Variants in VPS13B observed in about 807,000 individuals in gnomAD.
VPS13B encodes the protein vacuolar protein sorting 13 homolog B.
Under a neutral mutation model 426.4 loss-of-function variants are expected in VPS13B, and 285 were observed. That is an observed-to-expected ratio of 0.67 (90% confidence interval 0.61 to 0.74). VPS13B has a LOEUF of 0.74. VPS13B is among the 30% of genes least tolerant of loss of function. The pLI is 0.00. For synonymous variants in VPS13B, 1,676 were observed against 1,676.4 expected (o/e 1.00, Z 0.01); for missense variants, 4,537 against 4,782.6 (o/e 0.95, Z 1.51).
At chr8:99,557,169 G>A (rs372985074) in intron 31 of VPS13B, among the ~76,000 whole-genome samples, 8 of 151,774 alleles carry the variant, frequency 5.3e-5, no homozygotes, top group African/African-American at 9.7e-5. Flanking sequence ...AGTTTTTTGG[G>A]TACAGGTAGT....
intron 15 of VPS13B, 36 bp from the exon 16 acceptor site, chr8:99,169,999 TTGTC>T (rs758907923): frequency 2.5e-6 from 4 of 1,610,260 alleles, no homozygotes; most frequent in Admixed American, 1.7e-5. Flanking sequence ...TATTAAAACT[TTGTC>T]TGTGTGAACA....
intron 19 of VPS13B, among the ~76,000 whole-genome samples, chr8:99,375,206 T>G (rs1449189544): frequency 1.3e-5 from 2 of 152,228 alleles, no homozygotes; most frequent in Non-Finnish European, 2.9e-5. Flanking sequence ...TTTTGACATT[T>G]TTTTAAAAGT....
At chr8:99,301,137 C>G (rs1820341590) in intron 19 of VPS13B, among the ~76,000 whole-genome samples, 1 of 151,810 alleles carries the variant, frequency 6.6e-6, no homozygotes, top group African/African-American at 2.4e-5. Context: ...ATCACTTGAG[C>G]CTGAGAGGTC....
chr8:99,673,395 T>C (rs542731592), intron 35 of VPS13B, among the ~76,000 whole-genome samples: 6 of 152,118 alleles, frequency 3.9e-5, no homozygotes, highest in African/African-American at 1.4e-4. Context: ...ATTAGGTTAT[T>C]CAATTTGTTG....
In VPS13B at chr8:99,179,689, C is replaced by G. The variant is rs966603493; in HGVS notation, c.2333+9526C>G. ...CTGCTTTGTGTGATTATTTAATAGC[C>G]TTTCCCACTCGTTTTATTTTAAGCT... On this transcript the variant is annotated intron_variant, in intron 16 of 61. Coordinates refer to ENST00000357162, the MANE Select transcript of VPS13B (RefSeq NM_152564.5). 2.0e-5 allele frequency among the ~76,000 whole-genome samples: 3 copies of G among 152,128 alleles called. No homozygotes were observed. In the South Asian group the frequency reaches 6.2e-4, roughly 32 times the overall value.
chr8:99,328,706 T>C (rs1237917458), intron 19 of VPS13B, among the ~76,000 whole-genome samples: 3 of 152,192 alleles, frequency 2.0e-5, no homozygotes, highest in Non-Finnish European at 4.4e-5. Context: ...GGCTATTTTA[T>C]GCAAATAAAG....
chr8:99,275,348 T>A (rs1161591783), intron 19 of VPS13B, 94 bp downstream of exon 19: 6 of 1,264,902 alleles, frequency 4.7e-6, no homozygotes, highest in Admixed American at 2.6e-5. Flanking sequence ...TTTTTTTTTT[T>A]AGGTATTTTT....
At chr8:99,621,820 C>CTTTT (rs749078781) in intron 33 of VPS13B, among the ~76,000 whole-genome samples, 120 of 83,234 alleles carry the variant, frequency 1.4e-3, no homozygotes, top group East Asian at 1.7e-3. Flanking sequence ...TGTTTTGTTT[C>CTTTT]TTTTTTTTTT....
chr8:99,321,210 C>CTTTTTTT (rs58817658), intron 19 of VPS13B, among the ~76,000 whole-genome samples: 3 of 93,988 alleles, frequency 3.2e-5, no homozygotes, highest in Admixed American at 1.0e-4. Flanking sequence ...TTTTCTTTTT[C>CTTTTTTT]TTTTTTTTTT....
intron 39 of VPS13B, among the ~76,000 whole-genome samples, chr8:99,744,787 A>G (rs1316488241): frequency 2.1e-5 from 3 of 145,200 alleles, no homozygotes; most frequent in African/African-American, 7.6e-5. Flanking sequence ...ACATGGACAC[A>G]GGAAGGGGAA....
At chr8:99,780,737 G>T (rs1283961045) in intron 42 of VPS13B, among the ~76,000 whole-genome samples, 1 of 152,104 alleles carries the variant, frequency 6.6e-6, no homozygotes. Flanking sequence ...CTCATGTCAA[G>T]GGTACTTGCC....
intron 3 of VPS13B, among the ~76,000 whole-genome samples, chr8:99,038,784 T>A (rs1842853084): frequency 6.7e-6 from 1 of 149,200 alleles, no homozygotes; most frequent in South Asian, 2.2e-4. Flanking sequence ...CCTCCTGGGT[T>A]CAAGTGATTT....
At chr8:99,510,996 GT>G in intron 28 of VPS13B, 107 bp from the exon 29 acceptor site, 2 of 1,234,936 alleles carry the variant, frequency 1.6e-6, no homozygotes, top group Non-Finnish European at 2.3e-6. Context: ...GAAGTGTAGG[GT>G]AAGACCAAGA....
At chr8:99,612,091 T>A (rs761393192) in intron 33 of VPS13B, among the ~76,000 whole-genome samples, 11 of 152,148 alleles carry the variant, frequency 7.2e-5, no homozygotes, top group Non-Finnish European at 1.6e-4. Context: ...TGGTAAGTGA[T>A]ACAGCCATGA....
intron 39 of VPS13B, among the ~76,000 whole-genome samples, chr8:99,766,048 G>A (rs1042818625): frequency 1.3e-4 from 19 of 142,986 alleles, no homozygotes; most frequent in Middle Eastern, 7.4e-3. Context: ...CTACTTATTT[G>A]GTGTGGCACC....
chr8:99,777,548 TGAGATTTGGGTGGG>T (rs1785666607), intron 41 of VPS13B, among the ~76,000 whole-genome samples: 2 of 152,176 alleles, frequency 1.3e-5, no homozygotes, highest in Admixed American at 1.3e-4. Context: ...GAATTCAAGA[TGAGATTTGGGTGGG>T]GACACAACCA....
chr8:99,096,532 G>C, intron 4 of VPS13B, 100 bp downstream of exon 4: 1 of 1,523,016 alleles, frequency 6.6e-7, no homozygotes, highest in Non-Finnish European at 8.9e-7. Flanking sequence ...GAGGCGGGTG[G>C]ATTACTTGAG....
chr8:99,614,252 TACACAC>T (rs146295745), intron 33 of VPS13B, among the ~76,000 whole-genome samples: 5 of 150,236 alleles, frequency 3.3e-5, no homozygotes, highest in Admixed American at 6.7e-5. Context: ...TTAAATTTTA[TACACAC>T]ACACACACAC....
intron 17 of VPS13B, among the ~76,000 whole-genome samples, chr8:99,227,912 G>T (rs12056311): frequency 0.7 from 107,126 of 151,974 alleles, 38,688 homozygotes; most frequent in Middle Eastern, 0.8. Flanking sequence ...ACACTATGCT[G>T]CTGACCCAGA....
Sources: gnomAD v4.1 joint callset for allele counts (sites outside exome capture counted in the v4.1 genomes callset) on GRCh38, gnomAD v4.1.1 for gene constraint, MANE v1.5 for transcripts, NCBI Gene and HGNC (gene_info 2026-07-23, HGNC 2026-07-21) for gene names.